Variants in CNTFR observed in about 807,000 individuals in gnomAD.
CNTFR encodes the protein ciliary neurotrophic factor receptor subunit alpha.
A neutral mutation model predicts 40.4 loss-of-function variants in CNTFR; 12 were observed. The observed-to-expected ratio is 0.30, with a 90% CI of 0.19 to 0.48. The LOEUF (loss-of-function observed/expected upper bound fraction) is 0.48. Among genes scored for constraint, CNTFR ranks in the 20% least tolerant of loss-of-function variants. The pLI is 0.99. For synonymous variants in CNTFR, 202 were observed against 209.6 expected (o/e 0.96, Z 0.31); for missense variants, 414 against 506.8 (o/e 0.82, Z 1.76).
At chr9:34,553,721 G>A (rs144537256) in intron 7 of CNTFR, among the ~76,000 whole-genome samples, 1 of 152,340 alleles carries the variant, frequency 6.6e-6, no homozygotes, top group Non-Finnish European at 1.5e-5. Flanking sequence ...CCATCCTGCT[G>A]GTCTCCCCCA....
intron 4 of CNTFR, among the ~76,000 whole-genome samples, chr9:34,563,771 G>A (rs540972943): frequency 2.0e-5 from 3 of 152,110 alleles, no homozygotes; most frequent in East Asian, 1.9e-4. Context: ...GTCCAACTGC[G>A]CCTTCTCAGC....
At chr9:34,558,667 A>G (rs370674280) in intron 4 of CNTFR, among the ~76,000 whole-genome samples, 5 of 152,280 alleles carry the variant, frequency 3.3e-5, no homozygotes, top group African/African-American at 9.6e-5. Context: ...TGTGTGTACA[A>G]GTGCCTGTTG....
chr9:34,570,556 A>G (rs954733355), intron 2 of CNTFR, among the ~76,000 whole-genome samples: 11 of 152,206 alleles, frequency 7.2e-5, no homozygotes, highest in African/African-American at 2.4e-4. Flanking sequence ...ACACCCAGAA[A>G]AACAGCTTGA....
chr9:34,556,297 G>A lies in CNTFR; in HGVS notation c.726C>T (p.Phe242=). The change falls in exon 7 of 10, where the codon TTC becomes TTT. Residue 242 remains phenylalanine (F), a synonymous_variant. Transcript: ENST00000378980. ...WPDPESFPLK[F]FLRYRPLILD... ...GGATGAGGGGTCGGTAGCGCAGAAAGAACTTGAGAGGAAAAGACTCAGGGT... is the reference window on the plus strand; with the variant it reads ...GGATGAGGGGTCGGTAGCGCAGAAAAAACTTGAGAGGAAAAGACTCAGGGT... The A allele has an allele frequency of 1.2e-6, 2 of 1,613,800 alleles. No individual in the cohort carries two copies. Among genetic ancestry groups the A allele is most frequent in the South Asian group, 1.1e-5 (1 of 91,016 alleles).
chr9:34,559,166 G>T (rs538289131), intron 4 of CNTFR, among the ~76,000 whole-genome samples: 1 of 152,328 alleles, frequency 6.6e-6, no homozygotes, highest in East Asian at 1.9e-4. Context: ...GACAGTGAAG[G>T]GGAGTGCATG....
At chr9:34,564,915 C>T in intron 3 of CNTFR, 83 bp from the exon 4 acceptor site, 1 of 1,206,334 alleles carries the variant, frequency 8.3e-7, no homozygotes, top group South Asian at 1.3e-5. Flanking sequence ...CAGACAAGAG[C>T]CTGTGAGGAT....
At chr9:34,583,120 C>A (rs185207821) in intron 1 of CNTFR, among the ~76,000 whole-genome samples, 118 of 152,272 alleles carry the variant, frequency 7.7e-4, no homozygotes, top group African/African-American at 2.6e-3. Context: ...CCAGACCAGC[C>A]CCCCATAAAC....
intron 2 of CNTFR, among the ~76,000 whole-genome samples, chr9:34,570,852 A>C (rs1307686763): frequency 6.6e-6 from 1 of 152,150 alleles, no homozygotes; most frequent in East Asian, 1.9e-4. Context: ...GCTGGAGAGC[A>C]ATGAACTTCC....
chr9:34,581,744 A>C (rs2132253770), intron 1 of CNTFR, among the ~76,000 whole-genome samples: 1 of 152,330 alleles, frequency 6.6e-6, no homozygotes, highest in East Asian at 1.9e-4. Context: ...AAGGAGATTG[A>C]GCTTCAAGGA....
At chr9:34,556,155 G>A (rs1007219142) in intron 7 of CNTFR, 100 bp downstream of exon 7, 4 of 1,303,276 alleles carry the variant, frequency 3.1e-6, no homozygotes, top group Non-Finnish European at 2.1e-6. Flanking sequence ...TGATGCATCA[G>A]GTCTCACACT....
upstream of CNTFR, among the ~76,000 whole-genome samples, chr9:34,590,717 C>G (rs956254583): frequency 1.3e-5 from 2 of 152,220 alleles, no homozygotes; most frequent in African/African-American, 4.8e-5. Flanking sequence ...AGGCTCACTC[C>G]CTTCGCAGCC....
intron 1 of CNTFR, among the ~76,000 whole-genome samples, chr9:34,585,606 T>C (rs949855346): frequency 6.6e-6 from 1 of 152,188 alleles, no homozygotes; most frequent in Admixed American, 6.5e-5. Flanking sequence ...GCTTTGGGAC[T>C]CTCTTTGCCC....
Position 34,551,589 on chromosome 9 carries a change from G to C in CNTFR, c.*482C>G. 3.6e-6 allele frequency: 1 copy of C among 274,798 alleles called. No homozygotes were observed. Among genetic ancestry groups the C allele is most frequent in the Non-Finnish European group, 7.0e-6 (1 of 142,510 alleles). The allele number at this position is 274,798 out of a possible 1,614,324, so 17.0% of individuals were successfully genotyped here. A position where few individuals can be genotyped will look rare whatever the true frequency, so the allele number is the denominator to read the frequency against. On this transcript the variant is annotated 3_prime_UTR_variant, in exon 10 of 10. Transcript: ENST00000378980. ...GGATAGGAGCAGGGTCAGGGGAGGG[G>C]TATACAAAACAGGGCAGAGGGGAGG...
chr9:34,562,944 T>C (rs972159441), intron 4 of CNTFR, among the ~76,000 whole-genome samples: 7 of 152,186 alleles, frequency 4.6e-5, no homozygotes, highest in Non-Finnish European at 1.0e-4. Context: ...TTTCCCTCCA[T>C]CGACCTCTTT....
rs1587112811 is a variant in CNTFR, at chr9:34,551,950, T to C, written c.*121A>G. The C allele has an allele frequency of 1.4e-6, 1 of 738,500 alleles. No homozygotes were observed. The highest frequency in any genetic ancestry group is 2.7e-5 in the East Asian group (1 of 37,356). 45.7% of individuals were successfully genotyped at this position (738,500 alleles called of 1,614,324 possible). On this transcript the variant is annotated 3_prime_UTR_variant, in exon 10 of 10. Coordinates refer to ENST00000378980, the MANE Select transcript of CNTFR (RefSeq NM_147164.3). Reference sequence around the variant, plus strand: ...CCCGCCGGGGTCTCCACAAATTGTGTCTGAAGAGAATGCAAAAGGTCCTCC... The same window carrying C: ...CCCGCCGGGGTCTCCACAAATTGTGCCTGAAGAGAATGCAAAAGGTCCTCC...
rs536048705 is a variant in CNTFR at position 34,581,186 on chromosome 9, T to A, written c.-92A>T. ...GACTTCCAAAACCAAGGGGGCAAGA[T>A]GAGGTGACAAGGCTAGAGTCTAGAA... On this transcript the variant is annotated 5_prime_UTR_variant, in exon 2 of 10. Coordinates refer to ENST00000378980, the MANE Select transcript of CNTFR (RefSeq NM_147164.3). The A allele has an allele frequency of 6.5e-6, 1 of 153,014 alleles. No homozygotes were observed. Among genetic ancestry groups the A allele is most frequent in the Admixed American group, 6.5e-5 (1 of 15,302 alleles). The allele number at this position is 153,014 out of a possible 1,614,324, so 9.5% of individuals were successfully genotyped here.
At chr9:34,588,960 G>T (rs1195952682) in intron 1 of CNTFR, among the ~76,000 whole-genome samples, 1 of 152,146 alleles carries the variant, frequency 6.6e-6, no homozygotes, top group African/African-American at 2.4e-5. Flanking sequence ...AAGCCAGGAA[G>T]ACTTACAAAG....
intron 3 of CNTFR, among the ~76,000 whole-genome samples, chr9:34,565,915 G>A (rs1185083914): frequency 6.6e-6 from 1 of 151,880 alleles, no homozygotes; most frequent in African/African-American, 2.4e-5. Flanking sequence ...GAGGGTGGGA[G>A]AGGAGAAGGG....
chr9:34,564,614 G>C lies in CNTFR; in HGVS notation c.304C>G (p.Leu102Val). The part of the protein sequence containing the change: ...RDSWHLRHQV[L>V]LHVGLPPREP... ...CAACACTTACAGCCCACATGCAGCAGGACTTGGTGGCGCAGGTGCCAGGAG... is the reference window on the plus strand; with the variant it reads ...CAACACTTACAGCCCACATGCAGCACGACTTGGTGGCGCAGGTGCCAGGAG... Residue 102 changes from leucine (L) to valine (V), a missense_variant, in exon 4 of 10, where the codon CTG becomes GTG. Coordinates refer to ENST00000378980, the MANE Select transcript of CNTFR (RefSeq NM_147164.3). The C allele has an allele frequency of 6.2e-7, 1 of 1,611,306 alleles. No homozygotes were observed. The highest frequency in any genetic ancestry group is 8.5e-7 in the Non-Finnish European group (1 of 1,178,822).
Sources: allele counts gnomAD v4.1 joint callset (sites outside exome capture counted in the v4.1 genomes callset), GRCh38; gene constraint gnomAD v4.1.1; transcripts MANE v1.5; gene names NCBI Gene and HGNC (gene_info 2026-07-23, HGNC 2026-07-21).